KALRN: variants seen among roughly 807,000 people sequenced by gnomAD.
KALRN encodes kalirin RhoGEF kinase.
KALRN carries 70 observed loss-of-function variants against 353.7 expected under a neutral mutation model. The observed-to-expected ratio is 0.20, with a 90% CI of 0.16 to 0.24. The LOEUF is 0.24. KALRN is among the 10% of genes least tolerant of loss of function. The pLI, the probability that KALRN is intolerant of heterozygous loss-of-function variation, is 1.00. For synonymous variants in KALRN, 1,391 were observed against 1,434.8 expected (o/e 0.97, Z 0.69); for missense variants, 2,791 against 3,756.7 (o/e 0.74, Z 6.72).
intron 1 of KALRN, among the ~76,000 whole-genome samples, chr3:124,191,071 T>C (rs1261616114): frequency 6.6e-6 from 1 of 152,164 alleles, no homozygotes; most frequent in Non-Finnish European, 1.5e-5. Context: ...TTATAAAAGA[T>C]ACTAAAAGGA....
At chr3:124,477,133 A>G in intron 26 of KALRN, 112 bp from the exon 27 acceptor site, 1 of 630,004 alleles carries the variant, frequency 1.6e-6, no homozygotes, top group Non-Finnish European at 2.8e-6. Context: ...GAAAATCTAG[A>G]CACTGGTGTC....
At chr3:124,392,973 T>C (rs2089671122) in intron 11 of KALRN, among the ~76,000 whole-genome samples, 1 of 117,478 alleles carries the variant, frequency 8.5e-6, no homozygotes, top group South Asian at 3.0e-4. Context: ...GAGTGTGATA[T>C]TCCCCTTCCG....
At chr3:124,555,034 C>T (rs188726429) in intron 33 of KALRN, among the ~76,000 whole-genome samples, 17 of 152,212 alleles carry the variant, frequency 1.1e-4, no homozygotes, top group Admixed American at 1.0e-3. Flanking sequence ...CAGGAAAGTG[C>T]GCATAGGATA....
chr3:124,425,155 T>C (rs551161080), intron 15 of KALRN, among the ~76,000 whole-genome samples: 29 of 151,672 alleles, frequency 1.9e-4, no homozygotes, highest in Admixed American at 9.9e-4. Flanking sequence ...TAAAGAGAGG[T>C]TGGTTAATGG....
At position 124,658,490 on chromosome 3, in the gene KALRN, C is replaced by G. The variant is rs61745758; in HGVS notation, c.6096C>G (p.Ile2032Met). ...YCQNKPRSEY[I>M]VAEYDAYFEE... ...AGAATAAGCCGCGCTCAGAGTACAT[C>G]GTTGCTGAGTATGACGCCTACTTTG... is the stretch of plus-strand genomic sequence containing the variant. The change falls in exon 42 of 60, where the codon ATC becomes ATG. Residue 2032 changes from isoleucine (I) to methionine (M), a missense_variant. Physicochemically the swap from Ile to Met is conservative, Grantham distance 10. This residue lies in a region of KALRN where 1,065 missense variants were observed against 1,156.4 expected (regional missense o/e 0.92). Coordinates refer to ENST00000682506, the MANE Select transcript of KALRN (RefSeq NM_001388419.1). 6.2e-7 allele frequency: 1 copy of G among 1,613,978 alleles called. No individual in the cohort carries two copies. The highest frequency in any genetic ancestry group is 8.5e-7 in the Non-Finnish European group (1 of 1,179,854).
intron 34 of KALRN, among the ~76,000 whole-genome samples, chr3:124,585,455 C>T (rs1561344833): frequency 6.6e-6 from 1 of 152,196 alleles, no homozygotes; most frequent in African/African-American, 2.4e-5. Flanking sequence ...ATTTGTAGCT[C>T]CGGGCCGGAG....
chr3:124,557,711 T>C (rs761084358), intron 33 of KALRN, among the ~76,000 whole-genome samples: 12 of 152,154 alleles, frequency 7.9e-5, no homozygotes, highest in Non-Finnish European at 1.6e-4. Flanking sequence ...GATGATCAGA[T>C]GGAAGAAGTT....
intron 33 of KALRN, chr3:124,504,657 G>A: frequency 2.8e-6 from 1 of 359,370 alleles, no homozygotes; most frequent in Non-Finnish European, 5.6e-6. Context: ...TCACATCATA[G>A]CCTTGGTGGG....
At chr3:124,073,214 T>G (rs1302814048) in intron 1 of KALRN, among the ~76,000 whole-genome samples, 3 of 152,246 alleles carry the variant, frequency 2.0e-5, no homozygotes, top group African/African-American at 7.2e-5. Context: ...GTGATAGATC[T>G]GCTCTCAAAG....
At chr3:124,650,628 T>G (rs1019592029) in intron 37 of KALRN, among the ~76,000 whole-genome samples, 180 bp from the exon 38 acceptor site, 5 of 152,216 alleles carry the variant, frequency 3.3e-5, no homozygotes, top group African/African-American at 1.2e-4. Context: ...AGGTGGCAGC[T>G]CTGGGCTCCC....
rs555750555 is a variant in KALRN, at chr3:124,167,090, T to C, written c.74-60900T>C. ...ATTATAATAATAAATTTGGGGACTT[T>C]CCAAATAGGTGACTGGACAGGTAAA... On this transcript the variant is annotated intron_variant, in intron 1 of 59. Transcript: ENST00000682506. Among the ~76,000 whole-genome samples, 4 of 152,238 alleles carry C rather than the reference T, an allele frequency of 2.6e-5. No homozygotes were observed. The East Asian group carries it at 7.7e-4, about 29-fold the overall frequency.
At chr3:124,513,041 T>G (rs1247406639) in intron 33 of KALRN, among the ~76,000 whole-genome samples, 9 of 152,070 alleles carry the variant, frequency 5.9e-5, no homozygotes, top group Non-Finnish European at 1.3e-4. Flanking sequence ...ACCTTGGGAT[T>G]CAAGAAGGCA....
chr3:124,356,295 A>G (rs1576240257), intron 10 of KALRN, among the ~76,000 whole-genome samples: 2 of 148,800 alleles, frequency 1.3e-5, no homozygotes, highest in Admixed American at 6.7e-5. Flanking sequence ...TCCAAAAGAC[A>G]CTGAACAGAT....
In KALRN at chr3:124,218,297, T is replaced by C. The variant is rs75135439; in HGVS notation, c.74-9693T>C. 1.1e-3 allele frequency among the ~76,000 whole-genome samples: 166 copies of C among 152,294 alleles called. 1 individual carries two copies. Among genetic ancestry groups the C allele is most frequent in the African/African-American group, 3.8e-3 (159 of 41,558 alleles). On this transcript the variant is annotated intron_variant, in intron 1 of 59. Coordinates refer to ENST00000682506, the MANE Select transcript of KALRN (RefSeq NM_001388419.1). ...ATTAAGTATTAATATTATTGATATTTGTGCTGGGGAAAAGGGAGGGGGACT... is the reference window on the plus strand; with the variant it reads ...ATTAAGTATTAATATTATTGATATTCGTGCTGGGGAAAAGGGAGGGGGACT...
intron 10 of KALRN, among the ~76,000 whole-genome samples, chr3:124,372,359 G>C (rs1324056494): frequency 1.3e-5 from 2 of 151,994 alleles, no homozygotes; most frequent in Non-Finnish European, 2.9e-5. Context: ...AATATTTATT[G>C]ATAAATTTCC....
intron 10 of KALRN, among the ~76,000 whole-genome samples, chr3:124,350,328 A>G (rs982179075): frequency 6.6e-6 from 1 of 152,210 alleles, no homozygotes. Flanking sequence ...GAATGGACAC[A>G]TTTTTGAGAG....
rs539329681 is a variant in KALRN, at chr3:124,193,880, A to G, written c.74-34110A>G. 2.0e-5 allele frequency among the ~76,000 whole-genome samples: 3 copies of G among 152,124 alleles called. No individual in the cohort carries two copies. The South Asian group carries it at 6.2e-4, about 32-fold the overall frequency. On this transcript the variant is annotated intron_variant, in intron 1 of 59. Transcript: ENST00000682506. ...GACATTTTATCATAAGCATTTCCCTATTTTTTTAAGAACTCTTTATAAGTA... is the reference window on the plus strand; with the variant it reads ...GACATTTTATCATAAGCATTTCCCTGTTTTTTTAAGAACTCTTTATAAGTA...
Position 124,286,140 on chromosome 3 carries a change from C to CTTTCTTTCTTTCT in KALRN, c.970-12639_970-12638insTTTTCTTTCTTTC, listed in dbSNP as rs1560463729. On this transcript the variant is annotated intron_variant, in intron 5 of 59. Coordinates refer to ENST00000682506, the MANE Select transcript of KALRN (RefSeq NM_001388419.1). ...CTTTCTTTCTTTCTTTCTTTCTTTC[C>CTTTCTTTCTTTCT]TTTCTTTCTTTCCTTTCTTTCGTCT... Among the ~76,000 whole-genome samples the CTTTCTTTCTTTCT allele has an allele frequency of 6.0e-4, 16 of 26,850 alleles. No homozygotes were observed. The East Asian group carries it at 0.014, about 24-fold the overall frequency. 17.6% of individuals were successfully genotyped at this position (26,850 alleles called of 152,430 possible).
At chr3:124,352,588 G>T (rs566084706) in intron 10 of KALRN, among the ~76,000 whole-genome samples, 67 of 152,044 alleles carry the variant, frequency 4.4e-4, no homozygotes, top group African/African-American at 1.5e-3. Context: ...AAGACTTAAA[G>T]AAATAGAAAA....
Sources: allele counts gnomAD v4.1 joint callset (sites outside exome capture counted in the v4.1 genomes callset), GRCh38; gene constraint gnomAD v4.1.1; regional missense constraint gnomAD v4.1.1; transcripts MANE v1.5; gene names NCBI Gene and HGNC (gene_info 2026-07-23, HGNC 2026-07-21).